Variants in PRRC2A observed in about 807,000 individuals in gnomAD.
PRRC2A encodes the protein protein PRRC2A.
In PRRC2A, 59 loss-of-function variants were observed where a neutral mutation model predicts 224.6. The observed-to-expected ratio is 0.26, with a 90% CI of 0.21 to 0.33. The LOEUF (loss-of-function observed/expected upper bound fraction) is 0.33. Ranked by LOEUF, PRRC2A falls within the 10% of genes least tolerant of loss-of-function variation. The pLI is 1.00. For missense variants in PRRC2A, 3,095 were observed against 2,880.7 expected (o/e 1.07, Z -1.70); for synonymous variants, 1,194 against 1,109.5 (o/e 1.08, Z -1.51).
In PRRC2A at chr6:31,636,718, A is replaced by C. The variant is rs1332905387; in HGVS notation, c.5935-15A>C. The C allele has an allele frequency of 6.2e-7, 1 of 1,606,600 alleles. No individual in the cohort carries two copies. Among genetic ancestry groups the C allele is most frequent in the Non-Finnish European group, 8.5e-7 (1 of 1,178,534 alleles). On this transcript the variant is annotated splice_polypyrimidine_tract_variant and intron_variant, in intron 27 of 30. Coordinates refer to ENST00000376033, the MANE Select transcript of PRRC2A (RefSeq NM_004638.4). The surrounding 1 kb of genome is among the most constrained non-coding windows in gnomAD (Gnocchi z 4.3). ...TCCCTGCCCCCAACATGCACACCCA[A>C]ATTTCTTGTTACAGATGCTTCTACC...
chr6:31,633,541 G>A lies in PRRC2A; in HGVS notation c.4482G>A (p.Gly1494=). The A allele has an allele frequency of 6.2e-7, 1 of 1,613,034 alleles. No homozygotes were observed. The highest frequency in any genetic ancestry group is 8.5e-7 in the Non-Finnish European group (1 of 1,179,974). ...SSRQGSVTAP[G]GHPRHKPGLP... is the part of the protein sequence containing the mutation. ...GTCAAGGGAGTGTAACTGCACCAGG[G>A]GGTCATCCAAGGCACAAGCCTGGGC... The change falls in exon 17 of 31, where the codon GGG becomes GGA. Residue 1494 remains glycine (G), a synonymous_variant. Coordinates refer to ENST00000376033, the MANE Select transcript of PRRC2A (RefSeq NM_004638.4).
intron 29 of PRRC2A, 31 bp from the exon 30 acceptor site, chr6:31,637,203 A>G: frequency 6.2e-7 from 1 of 1,606,534 alleles, no homozygotes; most frequent in Non-Finnish European, 8.5e-7. Flanking sequence ...TCTGGATCCT[A>G]GGCTTGCCTT....
At position 31,627,571 on chromosome 6, in the gene PRRC2A, C is replaced by T. The variant is rs1289690271; in HGVS notation, c.1291-194C>T. On this transcript the variant is annotated intron_variant, in intron 11 of 30. Coordinates refer to ENST00000376033, the MANE Select transcript of PRRC2A (RefSeq NM_004638.4). This position sits in a 1 kb window ranked among gnomAD's most constrained non-coding sequence, Gnocchi z 5.6. ...GGATCACTTGAGCCCAAGTTCAAGA[C>T]CAGCCTGGGCAACATAGCAAGACGT... Among the ~76,000 whole-genome samples the T allele has an allele frequency of 6.6e-6, 1 of 152,192 alleles. No homozygotes were observed. Among genetic ancestry groups the T allele is most frequent in the African/African-American group, 2.4e-5 (1 of 41,442 alleles).
chr6:31,629,438 G>A (rs970094141), intron 13 of PRRC2A, 104 bp downstream of exon 13: 94 of 1,472,576 alleles, frequency 6.4e-5, no homozygotes, highest in Non-Finnish European at 6.1e-5. Flanking sequence ...TCTTTGTCCA[G>A]TTGTCTCCAT....
At position 31,629,352 on chromosome 6, in the gene PRRC2A, A is replaced by T; in HGVS notation, c.1956+18A>T. The stretch of plus-strand genomic sequence containing the variant: ...AGCAGCAGGTGAAATCAAGTTGTTT[A>T]CCCTCTAAGGGCTGCTTTTCTTCCT... On this transcript the variant is annotated intron_variant, in intron 13 of 30. Transcript: ENST00000376033. 1.9e-6 allele frequency: 3 copies of T among 1,546,468 alleles called. No homozygotes were observed. The highest frequency in any genetic ancestry group is 2.6e-6 in the Non-Finnish European group (3 of 1,147,644).
Position 31,631,387 on chromosome 6 carries a change from G to T in PRRC2A, c.2714G>T (p.Gly905Val). 6.2e-7 allele frequency: 1 copy of T among 1,606,494 alleles called. No individual in the cohort carries two copies. Among genetic ancestry groups the T allele is most frequent in the Non-Finnish European group, 8.5e-7 (1 of 1,177,496 alleles). The change falls in exon 16 of 31, where the codon GGA (glycine) becomes GTA (valine). Residue 905 changes from glycine to valine, a missense_variant. Physicochemically the swap from Gly to Val is moderately radical, Grantham distance 109. Transcript: ENST00000376033. The surrounding 1 kb of genome is among the most constrained non-coding windows in gnomAD (Gnocchi z 4.5). Reference sequence around the variant, plus strand: ...GAAGCAGGCCGAAAGCCTGCCCGCGGAGTCGGGAGTGGAGGCCAGGGCCCC... The same window carrying T: ...GAAGCAGGCCGAAAGCCTGCCCGCGTAGTCGGGAGTGGAGGCCAGGGCCCC... ...GPEAGRKPARGVGSGGQGPPP... is the reference protein window; with the variant it reads ...GPEAGRKPARVVGSGGQGPPP...
Position 31,625,656 on chromosome 6 carries a change from G to C in PRRC2A, c.759+45G>C, listed in dbSNP as rs1257841363. 6 of 1,606,112 alleles carry C rather than the reference G, an allele frequency of 3.7e-6. No individual in the cohort carries two copies. Among genetic ancestry groups the C allele is most frequent in the Middle Eastern group, 1.7e-4 (1 of 6,034 alleles). On this transcript the variant is annotated intron_variant, in intron 7 of 30. Coordinates refer to ENST00000376033, the MANE Select transcript of PRRC2A (RefSeq NM_004638.4). This position sits in a 1 kb window ranked among gnomAD's most constrained non-coding sequence, Gnocchi z 4.1. ...CTTGGAACGATTACACTGGAAGCTG[G>C]AGAGCTAGGAATCAGGACTTAGTCT...
Position 31,625,312 on chromosome 6 carries a change from A to G in PRRC2A, c.605A>G (p.Gln202Arg). 1 of 1,613,908 alleles carries G rather than the reference A, an allele frequency of 6.2e-7. No individual in the cohort carries two copies. Among genetic ancestry groups the G allele is most frequent in the Non-Finnish European group, 8.5e-7 (1 of 1,180,028 alleles). ...SSGPGPSLRP[Q>R]NSTTWRDGGG... ...GGGCCCGGACCAAGCCTCCGCCCCC[A>G]AAGTGAGTGGCTGCCTTTTGGCCAA... Residue 202 changes from glutamine (Q) to arginine (R), a missense_variant and splice_region_variant, in exon 6 of 31, where the codon CAA becomes CGA. Physicochemically the swap from Gln to Arg is conservative, Grantham distance 43. Transcript: ENST00000376033. The surrounding 1 kb of genome is among the most constrained non-coding windows in gnomAD (Gnocchi z 4.1).
chr6:31,622,199 A>C (rs1185455075), intron 1 of PRRC2A, among the ~76,000 whole-genome samples: 1 of 152,200 alleles, frequency 6.6e-6, no homozygotes, highest in Non-Finnish European at 1.5e-5. Context: ...CCTTCCTGCA[A>C]ACCTTCCCAG....
rs778500678 is a variant in PRRC2A, at chr6:31,637,586, AG to A, written c.*3del. Reference sequence around the variant, plus strand: ...AGCCTGGGTTGCCCCCACCCCGCTGAGGGAGTTCCTCTTGCCCCCTACCCCC... The same window carrying A: ...AGCCTGGGTTGCCCCCACCCCGCTGAGGAGTTCCTCTTGCCCCCTACCCCC... On this transcript the variant is annotated 3_prime_UTR_variant, in exon 31 of 31. Transcript: ENST00000376033. 58 of 1,339,642 alleles carry A rather than the reference AG, an allele frequency of 4.3e-5. No individual in the cohort carries two copies. In the South Asian group the frequency reaches 7.0e-4, roughly 16 times the overall value. 83.0% of individuals were successfully genotyped at this position (1,339,642 alleles called of 1,614,324 possible). A position where few individuals can be genotyped will look rare whatever the true frequency, so the allele number is the denominator to read the frequency against.
chr6:31,634,922 C>G lies in PRRC2A; in HGVS notation c.5105C>G (p.Pro1702Arg). 6.2e-7 allele frequency: 1 copy of G among 1,612,958 alleles called. No homozygotes were observed. The highest frequency in any genetic ancestry group is 8.5e-7 in the Non-Finnish European group (1 of 1,180,014). The change falls in exon 21 of 31, where the codon CCT (proline) becomes CGT (arginine). Residue 1702 changes from proline to arginine, a missense_variant. Around this residue, in one of 8 missense-constraint regions of PRRC2A, gnomAD observed 662 missense variants for 609.5 expected, o/e 1.09. Coordinates refer to ENST00000376033, the MANE Select transcript of PRRC2A (RefSeq NM_004638.4). Reference sequence around the variant, plus strand: ...AATGCTGTTCCTTGTGAGGGTCCACCTGGCTCTGAACCTCCTAGGAGACCA... The same window carrying G: ...AATGCTGTTCCTTGTGAGGGTCCACGTGGCTCTGAACCTCCTAGGAGACCA... ...PLNAVPCEGP[P>R]GSEPPRRPPP...
rs757024983 is a variant in PRRC2A, at chr6:31,633,957, C to T, written c.4687C>T (p.Arg1563Trp). ...TCCCTTTCCCCCTAAACGTCGGGAG[C>T]GGCCTCCCAGAAAACCAGAGCTGCT... Reference protein sequence around the residue: ...VSPFPPKRRERPPRKPELLQE... With the variant: ...VSPFPPKRREWPPRKPELLQE... Residue 1563 changes from arginine to tryptophan, a missense_variant, in exon 18 of 31, where the codon CGG becomes TGG. By Grantham distance (101) the Arg-to-Trp change is moderately radical. Coordinates refer to ENST00000376033, the MANE Select transcript of PRRC2A (RefSeq NM_004638.4). 5.6e-6 allele frequency: 9 copies of T among 1,602,816 alleles called. No individual in the cohort carries two copies. Among genetic ancestry groups the T allele is most frequent in the South Asian group, 4.5e-5 (4 of 89,450 alleles).
In PRRC2A at chr6:31,637,687, A is replaced by T; in HGVS notation, c.*101A>T. 1 of 679,164 alleles carries T rather than the reference A, an allele frequency of 1.5e-6. No individual in the cohort carries two copies. Among genetic ancestry groups the T allele is most frequent in the Non-Finnish European group, 2.2e-6 (1 of 463,698 alleles). 42.1% of individuals were successfully genotyped at this position (679,164 alleles called of 1,614,324 possible). A position where few individuals can be genotyped will look rare whatever the true frequency, so the allele number is the denominator to read the frequency against. Reference sequence around the variant, plus strand: ...GGAGGGGTTCTGGGGCTGGGGCCTCACTTCCCCTCCTCCCCCTTCCCCTGG... The same window carrying T: ...GGAGGGGTTCTGGGGCTGGGGCCTCTCTTCCCCTCCTCCCCCTTCCCCTGG... On this transcript the variant is annotated 3_prime_UTR_variant, in exon 31 of 31. Transcript: ENST00000376033.
At chr6:31,622,089 C>T (rs939896060) in intron 1 of PRRC2A, among the ~76,000 whole-genome samples, 2 of 152,192 alleles carry the variant, frequency 1.3e-5, no homozygotes, top group Non-Finnish European at 2.9e-5. Context: ...TTCCTATAGC[C>T]TGGGAGTATG....
chr6:31,629,879 A>C (rs373225332), intron 14 of PRRC2A, 34 bp downstream of exon 14: 3 of 1,609,156 alleles, frequency 1.9e-6, no homozygotes, highest in African/African-American at 2.7e-5. Context: ...GAAACAGGAA[A>C]GTCCCCTCAG....
intron 10 of PRRC2A, 51 bp downstream of exon 10, chr6:31,626,913 T>C (rs1304476713): frequency 1.4e-5 from 22 of 1,612,858 alleles, no homozygotes; most frequent in Non-Finnish European, 1.9e-5. Flanking sequence ...GTTTGTATTT[T>C]GGTAATATAC....
At chr6:31,623,074 AG>A in intron 2 of PRRC2A, 173 bp downstream of exon 2, 1 of 766,448 alleles carries the variant, frequency 1.3e-6, no homozygotes, top group South Asian at 1.4e-5. Context: ...GGTGAACACC[AG>A]TTATCCTCCT....
In PRRC2A at chr6:31,630,651, A is replaced by G. The variant is rs748611490; in HGVS notation, c.2315A>G (p.His772Arg). The change falls in exon 15 of 31, where the codon CAT (histidine) becomes CGT (arginine). Residue 772 changes from histidine to arginine, a missense_variant. Physicochemically the swap from His to Arg is conservative, Grantham distance 29. This residue lies in a region of PRRC2A where 2,001 missense variants were observed against 1,764.9 expected (regional missense o/e 1.13). Coordinates refer to ENST00000376033, the MANE Select transcript of PRRC2A (RefSeq NM_004638.4). ...TCAAGCTCAGAGCCATTTGACCGTC[A>G]TGCACCTGCTATGTTACGGGAACGG... ...GGSSSEPFDRHAPAMLRERGT... is the reference protein window; with the variant it reads ...GGSSSEPFDRRAPAMLRERGT... 7.4e-6 allele frequency: 12 copies of G among 1,614,010 alleles called. No individual in the cohort carries two copies. In the Admixed American group the frequency reaches 1.2e-4, roughly 16 times the overall value.
intron 16 of PRRC2A, 99 bp downstream of exon 16, chr6:31,633,091 T>C: frequency 1.5e-6 from 2 of 1,363,894 alleles, no homozygotes; most frequent in East Asian, 2.5e-5. Context: ...GATTGTGGCC[T>C]GAGGGGCCAT....
Sources: allele counts gnomAD v4.1 joint callset (sites outside exome capture counted in the v4.1 genomes callset), GRCh38; gene constraint gnomAD v4.1.1; regional missense constraint gnomAD v4.1.1; non-coding constraint Gnocchi (gnomAD v3.1); transcripts MANE v1.5; gene names NCBI Gene and HGNC (gene_info 2026-07-23, HGNC 2026-07-21).